Variants in CLCN5 observed in about 807,000 individuals in gnomAD.
The protein encoded by CLCN5 is Cl-/H+ antiporter 5, also known as H(+)/Cl(-) exchange transporter 5.
In CLCN5, 17 loss-of-function variants were observed where a neutral mutation model predicts 54.0. The ratio of observed to expected loss-of-function variants is 0.31; its 90% CI spans 0.22 to 0.47. CLCN5 has a LOEUF of 0.47. Ranked by LOEUF, CLCN5 falls within the 20% of genes least tolerant of loss-of-function variation. The pLI is 1.00. For synonymous variants in CLCN5, 222 were observed against 233.0 expected, an observed-to-expected ratio of 0.95 and a Z score of 0.43; for missense variants, 448 against 646.7, an observed-to-expected ratio of 0.69 and a Z score of 3.33.
chrX:49,947,520 G>GA (rs1926821411), intron 3 of CLCN5, among the ~76,000 whole-genome samples: 1 of 110,731 alleles, frequency 9.0e-6, no homozygotes, highest in Non-Finnish European at 1.9e-5. Flanking sequence ...AATTCTGGGG[G>GA]AAATCCAGGT....
chrX:49,940,539 C>A (rs1926273376), intron 3 of CLCN5, among the ~76,000 whole-genome samples: 1 of 112,380 alleles, frequency 8.9e-6, no homozygotes, highest in Admixed American at 9.4e-5. Flanking sequence ...GTTTTAACTT[C>A]CTCAGAGACT....
chrX:49,987,893 G>A (rs1467984024), intron 3 of CLCN5, among the ~76,000 whole-genome samples: 6 of 111,485 alleles, frequency 5.4e-5, no homozygotes, highest in African/African-American at 2.0e-4. Flanking sequence ...GAATCCCAGG[G>A]TAGAAATGTG....
At position 50,097,762 on chromosome X, in the gene CLCN5, C is replaced by G. The variant is rs1934308639; in HGVS notation, c.*5543C>G. The G allele has an allele frequency of 9.0e-6, 1 of 111,424 alleles. No individual in the cohort carries two copies. The highest frequency in any genetic ancestry group is 1.9e-5 in the Non-Finnish European group (1 of 53,122). The allele number at this position is 111,424 out of a possible 1,213,427, so 9.2% of individuals were successfully genotyped here. Reference sequence around the variant, plus strand: ...GGAAGATACGTCTGAGTTGATGGGACCAACAGGGCTTTGCTCCTCTGTGAG... The same window carrying G: ...GGAAGATACGTCTGAGTTGATGGGAGCAACAGGGCTTTGCTCCTCTGTGAG... On this transcript the variant is annotated 3_prime_UTR_variant, in exon 15 of 15. Transcript: ENST00000376091.
chrX:50,065,016 T>C (rs1557190559), intron 4 of CLCN5, among the ~76,000 whole-genome samples: 1 of 110,673 alleles, frequency 9.0e-6, no homozygotes, highest in Non-Finnish European at 1.9e-5. Context: ...TAATTCAAGA[T>C]GGATTAAAGA....
Position 50,085,996 on chromosome X carries a change from C to T in CLCN5, c.950C>T (p.Ala317Val). 4 of 1,209,173 alleles carry T rather than the reference C, an allele frequency of 3.3e-6. No homozygotes were observed. Among genetic ancestry groups the T allele is most frequent in the Non-Finnish European group, 4.5e-6 (4 of 892,909 alleles). The change falls in exon 10 of 15, where the codon GCA becomes GTA. Residue 317 changes from alanine (A) to valine (V), a missense_variant. Ala to Val is a moderately conservative substitution (Grantham distance 64). This residue lies in a region of CLCN5 where 297 missense variants were observed against 470.4 expected (regional missense o/e 0.63). Coordinates refer to ENST00000376091, the MANE Select transcript of CLCN5 (RefSeq NM_001127898.4). The stretch of plus-strand genomic sequence containing the variant: ...GGATTTTAGGTCTTGTCGGCTGCAG[C>T]AGCAGCTGGTGTATCTGTAGCCTTT... ...AKRREVLSAA[A>V]AAGVSVAFGA...
chrX:50,068,105 C>T (rs1933100314), intron 4 of CLCN5: 1 of 111,853 alleles, frequency 8.9e-6, no homozygotes, highest in Admixed American at 9.5e-5. Context: ...TTTTCCCCTT[C>T]TGAAAGGAGA....
At chrX:49,935,241 A>T (rs1557169460) in intron 3 of CLCN5, among the ~76,000 whole-genome samples, 1 of 111,846 alleles carries the variant, frequency 8.9e-6, no homozygotes, top group Non-Finnish European at 1.9e-5. Context: ...GCTGGCCTAG[A>T]TCATTTCAGT....
chrX:49,957,821 A>G (rs935032858), intron 3 of CLCN5, among the ~76,000 whole-genome samples: 1 of 112,044 alleles, frequency 8.9e-6, no homozygotes, highest in East Asian at 2.8e-4. Flanking sequence ...ACTGCAAACA[A>G]ATGTACAGGG....
intron 9 of CLCN5, among the ~76,000 whole-genome samples, chrX:50,084,815 A>C (rs1419699083): frequency 8.9e-6 from 1 of 112,328 alleles, no homozygotes; most frequent in African/African-American, 3.2e-5. Flanking sequence ...GGTTGAGAGT[A>C]AAACAGACTT....
intron 3 of CLCN5, among the ~76,000 whole-genome samples, chrX:49,943,742 G>C (rs1926523551): frequency 9.0e-6 from 1 of 111,411 alleles, no homozygotes; most frequent in South Asian, 3.8e-4. Context: ...TGAGTGCTCT[G>C]TTCTGTTCCA....
chrX:50,053,750 A>T (rs1932661444), intron 4 of CLCN5, among the ~76,000 whole-genome samples: 1 of 111,752 alleles, frequency 8.9e-6, no homozygotes, highest in African/African-American at 3.2e-5. Context: ...ATTTGTCTTG[A>T]GACATTTTGA....
chrX:49,995,314 T>G lies in CLCN5; in HGVS notation c.17-47002T>G, dbSNP rs1418335006. The stretch of plus-strand genomic sequence containing the variant: ...AATTTGGATAGCTGCTGATAAGACA[T>G]TTTTGGGCCCGTGAAATGGCAATAC... On this transcript the variant is annotated intron_variant, in intron 3 of 14. Transcript: ENST00000376091. 2.7e-5 allele frequency among the ~76,000 whole-genome samples: 3 copies of G among 111,907 alleles called. No individual in the cohort carries two copies. The East Asian group carries it at 8.4e-4, about 31-fold the overall frequency.
intron 4 of CLCN5, among the ~76,000 whole-genome samples, chrX:50,054,877 A>T (rs1242320560): frequency 8.9e-6 from 1 of 112,003 alleles, no homozygotes; most frequent in African/African-American, 3.3e-5. Context: ...CTTGAAGGAA[A>T]TATACTTTCG....
chrX:49,958,535 C>T (rs1465633106), intron 3 of CLCN5, among the ~76,000 whole-genome samples: 1 of 111,619 alleles, frequency 9.0e-6, no homozygotes, highest in Non-Finnish European at 1.9e-5. Flanking sequence ...ATTTTTTTCC[C>T]ATCAAGATTA....
At chrX:49,933,960 G>C (rs1557169220) in intron 3 of CLCN5, among the ~76,000 whole-genome samples, 1 of 111,200 alleles carries the variant, frequency 9.0e-6, no homozygotes, top group African/African-American at 3.3e-5. Context: ...GTATAATCTT[G>C]CAAAGGAAGA....
chrX:50,030,539 G>T (rs924646374), intron 3 of CLCN5, among the ~76,000 whole-genome samples: 12 of 111,457 alleles, frequency 1.1e-4, no homozygotes, highest in Admixed American at 9.5e-4. Flanking sequence ...CCTCATTTTT[G>T]TCCTTTTAAA....
intron 6 of CLCN5, among the ~76,000 whole-genome samples, chrX:50,074,259 A>G (rs1418987723): frequency 1.8e-5 from 2 of 112,065 alleles, no homozygotes; most frequent in African/African-American, 6.5e-5. Context: ...TTTGGTAGTC[A>G]TAGGAGAGAG....
chrX:50,019,153 T>C (rs193163559), intron 3 of CLCN5, among the ~76,000 whole-genome samples: 1 of 111,959 alleles, frequency 8.9e-6, no homozygotes, highest in Admixed American at 9.5e-5. Flanking sequence ...TGTTTCTCCT[T>C]GCATGAGTTT....
At chrX:49,946,860 C>T (rs1282530748) in intron 3 of CLCN5, among the ~76,000 whole-genome samples, 1 of 110,155 alleles carries the variant, frequency 9.1e-6, no homozygotes, top group Non-Finnish European at 1.9e-5. Context: ...TGGAGTTTCG[C>T]TCTTGTTACC....
Sources: gnomAD v4.1 joint callset for allele counts (sites outside exome capture counted in the v4.1 genomes callset) on GRCh38, gnomAD v4.1.1 for gene constraint, gnomAD v4.1.1 regional missense constraint, MANE v1.5 for transcripts, NCBI Gene and HGNC (gene_info 2026-07-23, HGNC 2026-07-21) for gene names.